Variants in SIAH3 observed in about 807,000 individuals in gnomAD.
The protein encoded by SIAH3 is siah E3 ubiquitin protein ligase family member 3, also known as seven in absentia homolog 3.
SIAH3 carries 9 observed loss-of-function variants against 12.6 expected under a neutral mutation model. The ratio of observed to expected loss-of-function variants is 0.72; its 90% CI spans 0.43 to 1.25. SIAH3 has a LOEUF of 1.25. SIAH3 is among the 50% of genes most tolerant of loss of function. The pLI, the probability that SIAH3 is intolerant of heterozygous loss-of-function variation, is 0.00. For missense variants in SIAH3, 390 were observed against 365.4 expected, an observed-to-expected ratio of 1.07 and a Z score of -0.55; for synonymous variants, 154 against 151.1, an observed-to-expected ratio of 1.02 and a Z score of -0.14.
chr13:45,819,335 G>T (rs970267771), intron 1 of SIAH3, among the ~76,000 whole-genome samples: 1 of 152,186 alleles, frequency 6.6e-6, no homozygotes. Context: ...TGGGAGGAGC[G>T]TTTAAGGAAG....
At chr13:45,833,736 A>G (rs2137578482) in intron 1 of SIAH3, among the ~76,000 whole-genome samples, 1 of 152,292 alleles carries the variant, frequency 6.6e-6, no homozygotes, top group South Asian at 2.1e-4. Flanking sequence ...GAAAGGGGAC[A>G]TGACCTGCTG....
At chr13:45,820,126 A>G (rs913107495) in intron 1 of SIAH3, among the ~76,000 whole-genome samples, 2 of 152,170 alleles carry the variant, frequency 1.3e-5, no homozygotes, top group African/African-American at 2.4e-5. Flanking sequence ...TGTGTCTCTT[A>G]AAGGCCCCAC....
intron 1 of SIAH3, among the ~76,000 whole-genome samples, chr13:45,787,892 C>T (rs977551935): frequency 1.3e-5 from 2 of 152,218 alleles, no homozygotes; most frequent in African/African-American, 4.8e-5. Flanking sequence ...AGCAGCAAGA[C>T]CCAACCCTTG....
chr13:45,807,325 A>AT (rs1950601384), intron 1 of SIAH3, among the ~76,000 whole-genome samples: 1 of 152,102 alleles, frequency 6.6e-6, no homozygotes, highest in Non-Finnish European at 1.5e-5. Flanking sequence ...GAAAAAATAA[A>AT]TGTGCAATTA....
At position 45,783,275 on chromosome 13, in the gene SIAH3, A is replaced by G. The variant is rs1950511940; in HGVS notation, c.*108T>C. On this transcript the variant is annotated 3_prime_UTR_variant, in exon 2 of 2. Transcript: ENST00000400405. ...AAATAATAATAATTAAAAATTAAAA[A>G]AAAAAAAAAGAAAGGAGAAGAATAA... 3 of 791,864 alleles carry G rather than the reference A, an allele frequency of 3.8e-6. No individual in the cohort carries two copies. Among genetic ancestry groups the G allele is most frequent in the Admixed American group, 5.9e-5 (2 of 33,618 alleles). The allele number at this position is 791,864 out of a possible 1,614,324, so 49.1% of individuals were successfully genotyped here. A position where few individuals can be genotyped will look rare whatever the true frequency, so the allele number is the denominator to read the frequency against.
At chr13:45,793,156 G>A (rs994896755) in intron 1 of SIAH3, among the ~76,000 whole-genome samples, 7 of 152,176 alleles carry the variant, frequency 4.6e-5, no homozygotes, top group East Asian at 1.9e-4. Flanking sequence ...TGTTCACACC[G>A]TTGTGGCTGG....
chr13:45,850,926 CACACA>C (rs1267060203), intron 1 of SIAH3, among the ~76,000 whole-genome samples: 1 of 73,610 alleles, frequency 1.4e-5, no homozygotes, highest in East Asian at 6.5e-4. Context: ...ACACCACACA[CACACA>C]CACACACACA....
intron 1 of SIAH3, among the ~76,000 whole-genome samples, chr13:45,812,869 G>T (rs976585969): frequency 6.6e-6 from 1 of 152,236 alleles, no homozygotes; most frequent in Admixed American, 6.5e-5. Flanking sequence ...AGAAAGTTTT[G>T]CATGTCTTCA....
At chr13:45,786,723 G>A (rs146695606) in intron 1 of SIAH3, among the ~76,000 whole-genome samples, 36 of 152,280 alleles carry the variant, frequency 2.4e-4, no homozygotes, top group African/African-American at 8.4e-4. Context: ...GTCTGTGCCT[G>A]CCTGTCTCCA....
intron 1 of SIAH3, among the ~76,000 whole-genome samples, chr13:45,844,601 T>C (rs570476058): frequency 6.6e-6 from 1 of 152,338 alleles, no homozygotes; most frequent in African/African-American, 2.4e-5. Flanking sequence ...GCCGTCATAA[T>C]CGTGTGAGCC....
chr13:45,794,787 G>C (rs902574891), intron 1 of SIAH3, among the ~76,000 whole-genome samples: 1 of 152,062 alleles, frequency 6.6e-6, no homozygotes, highest in African/African-American at 2.4e-5. Flanking sequence ...GTCTTTATTA[G>C]CAGCGAGAGA....
intron 1 of SIAH3, among the ~76,000 whole-genome samples, chr13:45,825,791 C>T (rs1006707033): frequency 2.6e-5 from 4 of 152,184 alleles, no homozygotes; most frequent in African/African-American, 9.7e-5. Context: ...CTGGCTACAT[C>T]CTCTGTGCCT....
Position 45,783,527 on chromosome 13 carries a change from AAGAAC to A in SIAH3, c.661_665del (p.Val221Ter). On this transcript the variant is annotated frameshift_variant, in exon 2 of 2. Transcript: ENST00000400405. LOFTEE classifies it high-confidence loss of function. ...CCGTAATCACCGAGTCCACGCACTC[AAGAAC>A]AGACCGGGGCGTGGCCTCCCACTTG... is the stretch of plus-strand genomic sequence containing the variant. The A allele has an allele frequency of 6.2e-7, 1 of 1,614,262 alleles. No individual in the cohort carries two copies. The highest frequency in any genetic ancestry group is 8.5e-7 in the Non-Finnish European group (1 of 1,180,048).
In SIAH3 at chr13:45,841,253, G is replaced by A. The variant is rs540046587; in HGVS notation, c.135+10242C>T. 2.6e-4 allele frequency among the ~76,000 whole-genome samples: 39 copies of A among 152,312 alleles called. 1 individual carries two copies. Among genetic ancestry groups the A allele is most frequent in the Non-Finnish European group, 5.0e-4 (34 of 68,024 alleles). Reference sequence around the variant, plus strand: ...GCCATGAAGTCTGGTTATGAAGCTGGCAGGTGGCTAGGCTTGCTGGCCAGT... The same window carrying A: ...GCCATGAAGTCTGGTTATGAAGCTGACAGGTGGCTAGGCTTGCTGGCCAGT... On this transcript the variant is annotated intron_variant, in intron 1 of 1. Coordinates refer to ENST00000400405, the MANE Select transcript of SIAH3 (RefSeq NM_198849.3).
chr13:45,820,311 A>G (rs530490160), intron 1 of SIAH3, among the ~76,000 whole-genome samples: 1 of 152,286 alleles, frequency 6.6e-6, no homozygotes, highest in East Asian at 1.9e-4. Context: ...CGAGTGAGCC[A>G]GGCTACCATG....
chr13:45,809,223 C>T (rs941965545), intron 1 of SIAH3, among the ~76,000 whole-genome samples: 1 of 152,206 alleles, frequency 6.6e-6, no homozygotes, highest in African/African-American at 2.4e-5. Flanking sequence ...GTGTTGGGGG[C>T]TCCGCAGAAC....
At chr13:45,822,556 T>TATATATATATATATATATATATATATA (rs58735572) in intron 1 of SIAH3, among the ~76,000 whole-genome samples, 8 of 137,054 alleles carry the variant, frequency 5.8e-5, no homozygotes, top group Non-Finnish European at 9.4e-5. Flanking sequence ...TATATATATA[T>TATATATATATATATATATATATATATA]TAGACTAGGG....
rs566124012 is a variant in SIAH3 at position 45,812,073 on chromosome 13, C to T, written c.136-28016G>A. Among the ~76,000 whole-genome samples, 150 of 152,322 alleles carry T rather than the reference C, an allele frequency of 9.8e-4. 1 individual carries two copies. Among genetic ancestry groups the T allele is most frequent in the South Asian group, 5.8e-3 (28 of 4,824 alleles). On this transcript the variant is annotated intron_variant, in intron 1 of 1. Transcript: ENST00000400405. ...TCACCAAAAGGATGCCGCCCAGCAC[C>T]GGTGGAGATGGAGCAGAAACAAGTG...
chr13:45,844,760 G>C (rs1315204689), intron 1 of SIAH3, among the ~76,000 whole-genome samples: 1 of 152,222 alleles, frequency 6.6e-6, no homozygotes, highest in Non-Finnish European at 1.5e-5. Flanking sequence ...CACATTGGAA[G>C]AGATCTGTGA....
Sources: gnomAD v4.1 joint callset for allele counts (sites outside exome capture counted in the v4.1 genomes callset) on GRCh38, gnomAD v4.1.1 for gene constraint, MANE v1.5 for transcripts, NCBI Gene and HGNC (gene_info 2026-07-23, HGNC 2026-07-21) for gene names.